TENM3: variants seen among roughly 807,000 people sequenced by gnomAD.
TENM3 encodes teneurin transmembrane protein 3.
Under a neutral mutation model 255.1 loss-of-function variants are expected in TENM3, and 63 were observed. The observed-to-expected ratio is 0.25, with a 90% CI of 0.20 to 0.30. TENM3 has a LOEUF of 0.30. TENM3 is among the 10% of genes least tolerant of loss of function. The pLI is 1.00. For missense variants in TENM3, 2,929 were observed against 3,461.1 expected, an observed-to-expected ratio of 0.85 and a Z score of 3.86; for synonymous variants, 1,306 against 1,322.3, an observed-to-expected ratio of 0.99 and a Z score of 0.27.
chr4:181,585,279 G>A, the TENM3 span, among the ~76,000 whole-genome samples: 1 of 152,288 alleles, frequency 6.6e-6, no homozygotes, highest in East Asian at 1.9e-4. Flanking sequence ...CATTAAGTAT[G>A]CAGAGAAAAC....
At chr4:181,538,525 AGGGGTG>A in the TENM3 span, among the ~76,000 whole-genome samples, 1 of 149,648 alleles carries the variant, frequency 6.7e-6, no homozygotes, top group Admixed American at 6.7e-5. Context: ...GAAGCAGAGT[AGGGGTG>A]GGGTGGGGGA....
At chr4:182,239,348 G>T (rs1159817825), upstream of TENM3, among the ~76,000 whole-genome samples, 1 of 151,978 alleles carries the variant, frequency 6.6e-6, no homozygotes, top group Non-Finnish European at 1.5e-5. Context: ...AAAAGTACTG[G>T]GATTACAGGC....
At chr4:182,119,722 T>C in the TENM3 span, among the ~76,000 whole-genome samples, 1 of 152,102 alleles carries the variant, frequency 6.6e-6, no homozygotes, top group Admixed American at 6.5e-5. Flanking sequence ...GTTTATTTCA[T>C]TTTAGATAGG....
chr4:182,409,334 A>G (rs1393555344), intron 3 of TENM3, among the ~76,000 whole-genome samples: 1 of 152,216 alleles, frequency 6.6e-6, no homozygotes. Context: ...CTGTTATAAC[A>G]CAACTTCTAT....
At chr4:182,145,643 C>A (rs1749910775) in intron 1 of TENM3, among the ~76,000 whole-genome samples, 1 of 152,154 alleles carries the variant, frequency 6.6e-6, no homozygotes, top group Admixed American at 6.5e-5. Flanking sequence ...TAATACATCA[C>A]ACACGTGTGT....
At chr4:182,304,804 T>C (rs1762046217) in intron 1 of TENM3, among the ~76,000 whole-genome samples, 1 of 152,162 alleles carries the variant, frequency 6.6e-6, no homozygotes, top group Non-Finnish European at 1.5e-5. Context: ...TTGGCATGGA[T>C]AGGGGATTTG....
intron 1 of TENM3, among the ~76,000 whole-genome samples, chr4:182,162,258 T>C (rs1195695754): frequency 6.6e-6 from 1 of 152,074 alleles, no homozygotes; most frequent in African/African-American, 2.4e-5. Flanking sequence ...TGAAAATAAG[T>C]CCTTTTTGTT....
chr4:182,701,306 C>T (rs1343491266), intron 12 of TENM3, among the ~76,000 whole-genome samples: 5 of 144,088 alleles, frequency 3.5e-5, no homozygotes, highest in South Asian at 2.2e-4. Context: ...CTGCAAGCTC[C>T]GCCTCCTGGG....
At chr4:181,747,548 G>A in the TENM3 span, among the ~76,000 whole-genome samples, 2 of 151,684 alleles carry the variant, frequency 1.3e-5, no homozygotes, top group Admixed American at 1.3e-4. Context: ...TTTCTATTGT[G>A]CTAATTATCT....
intron 1 of TENM3, among the ~76,000 whole-genome samples, chr4:182,227,421 T>C (rs1338351862): frequency 6.6e-6 from 1 of 151,912 alleles, no homozygotes. Flanking sequence ...TTACCTCTTA[T>C]TGGCCAGTGT....
At chr4:182,701,708 G>A (rs1757892490) in intron 12 of TENM3, among the ~76,000 whole-genome samples, 1 of 152,138 alleles carries the variant, frequency 6.6e-6, no homozygotes, top group African/African-American at 2.4e-5. Context: ...TCTGAATTGT[G>A]ACCAGTGTAA....
intron 3 of TENM3, among the ~76,000 whole-genome samples, chr4:182,534,735 C>T (rs1266688811): frequency 6.6e-6 from 1 of 152,170 alleles, no homozygotes; most frequent in Non-Finnish European, 1.5e-5. Context: ...ATTCCAAAAT[C>T]CAAACTTGCA....
intron 3 of TENM3, among the ~76,000 whole-genome samples, chr4:182,372,118 A>G (rs961194331): frequency 6.6e-6 from 1 of 152,320 alleles, no homozygotes; most frequent in East Asian, 1.9e-4. Context: ...ATATACTTCC[A>G]GTTAGAAGAC....
intron 2 of TENM3, among the ~76,000 whole-genome samples, chr4:182,340,473 G>T (rs1020489758): frequency 6.6e-6 from 1 of 152,224 alleles, no homozygotes; most frequent in East Asian, 1.9e-4. Context: ...GGGACCTTAA[G>T]GTATTTAGTG....
At chr4:181,833,912 G>T in the TENM3 span, among the ~76,000 whole-genome samples, 1 of 152,090 alleles carries the variant, frequency 6.6e-6, no homozygotes, top group Non-Finnish European at 1.5e-5. Flanking sequence ...ACTTAGTTGA[G>T]AACTTATTAA....
chr4:182,600,724 A>G (rs1247429540), intron 3 of TENM3, among the ~76,000 whole-genome samples, 200 bp from the exon 4 acceptor site: 1 of 152,042 alleles, frequency 6.6e-6, no homozygotes, highest in African/African-American at 2.4e-5. Flanking sequence ...TTTGTGTATC[A>G]AGGGTAAACT....
chr4:181,577,176 TTATATTA>T, the TENM3 span, among the ~76,000 whole-genome samples: 1 of 132,676 alleles, frequency 7.5e-6, no homozygotes, highest in Admixed American at 8.7e-5. Flanking sequence ...ATATATTATA[TTATATTA>T]TATATTATAT....
chr4:182,775,230 T>G, intron 24 of TENM3, 77 bp downstream of exon 24: 1 of 1,278,086 alleles, frequency 7.8e-7, no homozygotes. Context: ...AGGTTGCGTC[T>G]CCTGCTCACC....
the TENM3 span, among the ~76,000 whole-genome samples, chr4:182,033,634 G>T: frequency 6.6e-6 from 1 of 152,090 alleles, no homozygotes; most frequent in Non-Finnish European, 1.5e-5. Context: ...TGACAGTGGG[G>T]TGCTAAAGTC....
Sources: gnomAD v4.1 joint callset for allele counts (sites outside exome capture counted in the v4.1 genomes callset) on GRCh38, gnomAD v4.1.1 for gene constraint, MANE v1.5 for transcripts, NCBI Gene and HGNC (gene_info 2026-07-23, HGNC 2026-07-21) for gene names.